The following LINC00305 variants were observed in gnomAD, a reference collection of about 807,000 sequenced individuals.
LINC00305 encodes long intergenic non-protein coding RNA 305.
At chr18:64,146,033 A>G (rs1008555873) in intron 1 of LINC00305, among the ~76,000 whole-genome samples, 11 of 152,190 alleles carry the variant, frequency 7.2e-5, no homozygotes, top group Admixed American at 3.3e-4. Context: ...TTAATATTTT[A>G]TGGAAAGAAC....
chr18:64,121,043 C>G (rs1227104702), intron 1 of LINC00305, among the ~76,000 whole-genome samples: 1 of 151,946 alleles, frequency 6.6e-6, no homozygotes, highest in African/African-American at 2.4e-5. Flanking sequence ...AAGCAATATT[C>G]TCTAAGGCAA....
At chr18:64,133,547 G>T (rs1160457834) in intron 1 of LINC00305, among the ~76,000 whole-genome samples, 1 of 152,148 alleles carries the variant, frequency 6.6e-6, no homozygotes, top group Non-Finnish European at 1.5e-5. Flanking sequence ...GCCACAGATA[G>T]GCTCCCAGAA....
chr18:64,085,398 T>C (rs943209948), intron 3 of LINC00305, among the ~76,000 whole-genome samples: 8 of 152,214 alleles, frequency 5.3e-5, no homozygotes, highest in Admixed American at 2.0e-4. Flanking sequence ...CACTTCCCTT[T>C]GGATCTCCAG....
intron 3 of LINC00305, among the ~76,000 whole-genome samples, chr18:64,081,078 A>T (rs2051183296): frequency 1.3e-5 from 2 of 152,198 alleles, no homozygotes; most frequent in Non-Finnish European, 2.9e-5. Flanking sequence ...ATCCATCTGG[A>T]AAAGAAGAGC....
chr18:64,098,960 A>G (rs2051257779), intron 1 of LINC00305, among the ~76,000 whole-genome samples: 1 of 152,178 alleles, frequency 6.6e-6, no homozygotes, highest in African/African-American at 2.4e-5. Context: ...GACCTGAGGG[A>G]GAAGGAACCT....
chr18:64,141,647 A>C (rs2051463635), intron 1 of LINC00305, among the ~76,000 whole-genome samples: 1 of 152,220 alleles, frequency 6.6e-6, no homozygotes, highest in Non-Finnish European at 1.5e-5. Context: ...GTGGTAAAAA[A>C]GTCATAAACT....
chr18:64,122,300 GT>G (rs371418946), intron 1 of LINC00305, among the ~76,000 whole-genome samples: 5 of 151,938 alleles, frequency 3.3e-5, no homozygotes, highest in South Asian at 4.2e-4. Context: ...TTCTTCTAGT[GT>G]TTTTTATATA....
Position 64,121,339 on chromosome 18 carries a change from C to A in LINC00305, n.315-22699G>T, listed in dbSNP as rs184808975. On this transcript the variant is annotated intron_variant and non_coding_transcript_variant, in intron 1 of 3. Coordinates refer to ENST00000666468, the Ensembl canonical transcript of LINC00305. ...ACCCCAAAACCTCCGTCATCCACCC[C>A]CCTCTGTCCCCTTACCTTTTTGAGT... Among the ~76,000 whole-genome samples, 175 of 152,134 alleles carry A rather than the reference C, an allele frequency of 1.2e-3. 2 individuals carry two copies. The highest frequency in any genetic ancestry group is 3.6e-3 in the African/African-American group (148 of 41,518).
chr18:64,119,155 T>C (rs560176865), intron 1 of LINC00305, among the ~76,000 whole-genome samples: 9 of 152,194 alleles, frequency 5.9e-5, no homozygotes, highest in African/African-American at 2.2e-4. Flanking sequence ...TACATGTGAC[T>C]CCAGTAGAAT....
At chr18:64,133,559 C>T (rs913776190) in intron 1 of LINC00305, among the ~76,000 whole-genome samples, 9 of 152,178 alleles carry the variant, frequency 5.9e-5, no homozygotes, top group African/African-American at 9.6e-5. Flanking sequence ...CTCCCAGAAA[C>T]GAATTCCTTT....
At chr18:64,143,217 T>C (rs532812393) in intron 1 of LINC00305, among the ~76,000 whole-genome samples, 1 of 152,304 alleles carries the variant, frequency 6.6e-6, no homozygotes, top group African/African-American at 2.4e-5. Flanking sequence ...CTACTTGTCC[T>C]TATTTTGTCT....
rs548673452 is a variant in LINC00305, at chr18:64,123,972, C to T, written n.314+24803G>A. Among the ~76,000 whole-genome samples the T allele has an allele frequency of 1.1e-4, 16 of 152,230 alleles. 1 individual carries two copies. In the South Asian group the frequency reaches 3.1e-3, roughly 30 times the overall value. On this transcript the variant is annotated intron_variant and non_coding_transcript_variant, in intron 1 of 3. Transcript: ENST00000666468. The stretch of plus-strand genomic sequence containing the variant: ...TAATCTCTTGGCACACACTGGCTCC[C>T]TTCTGCTTTTGGAGGTGAGGCCCTT...
intron 1 of LINC00305, among the ~76,000 whole-genome samples, chr18:64,143,068 G>A (rs1305065326): frequency 6.6e-6 from 1 of 152,164 alleles, no homozygotes; most frequent in African/African-American, 2.4e-5. Flanking sequence ...GGAAGGGGAA[G>A]AGAGTGGGAG....
At chr18:64,104,040 CAGAA>C (rs2051278934) in intron 1 of LINC00305, 1 of 152,162 alleles carries the variant, frequency 6.6e-6, no homozygotes, top group Non-Finnish European at 1.5e-5. Flanking sequence ...TATTTCTTGA[CAGAA>C]AGAAAGATTC....
intron 2 of LINC00305, chr18:64,098,434 A>G (rs1322787383): frequency 2.7e-6 from 1 of 371,040 alleles, no homozygotes; most frequent in Admixed American, 3.9e-5. Flanking sequence ...ATCTTGAAAC[A>G]GAAGTAGAAA....
chr18:64,112,606 G>A (rs1255686410), intron 1 of LINC00305, among the ~76,000 whole-genome samples: 2 of 152,036 alleles, frequency 1.3e-5, no homozygotes, highest in African/African-American at 4.8e-5. Flanking sequence ...CTATACTTAC[G>A]GATTGGCCAG....
chr18:64,122,102 A>G (rs781715711), intron 1 of LINC00305, among the ~76,000 whole-genome samples: 18 of 152,120 alleles, frequency 1.2e-4, no homozygotes, highest in Non-Finnish European at 2.5e-4. Flanking sequence ...TGTCAGATGA[A>G]TAGTTCGCAA....
chr18:64,129,773 A>T (rs79055904), intron 1 of LINC00305, among the ~76,000 whole-genome samples: 1 of 152,120 alleles, frequency 6.6e-6, no homozygotes, highest in East Asian at 1.9e-4. Flanking sequence ...AATCTTTCCA[A>T]CTGCTTCTTT....
At chr18:64,126,695 T>C (rs2051386992) in intron 1 of LINC00305, among the ~76,000 whole-genome samples, 1 of 152,130 alleles carries the variant, frequency 6.6e-6, no homozygotes, top group African/African-American at 2.4e-5. Context: ...GATTGAGTGA[T>C]TGAGTGGTGA....
Sources: gnomAD v4.1 joint callset for allele counts (sites outside exome capture counted in the v4.1 genomes callset) on GRCh38, gnomAD v4.1.1 for gene constraint, MANE v1.5 for transcripts, NCBI Gene and HGNC (gene_info 2026-07-23, HGNC 2026-07-21) for gene names.